The following TEX2 variants were observed in gnomAD, a reference collection of about 807,000 sequenced individuals.
TEX2 encodes the protein testis-expressed protein 2.
Under a neutral mutation model 106.9 loss-of-function variants are expected in TEX2, and 53 were observed. The observed-to-expected ratio is 0.50, with a 90% CI of 0.40 to 0.62. The LOEUF (loss-of-function observed/expected upper bound fraction) is 0.62. Among genes scored for constraint, TEX2 ranks in the 20% least tolerant of loss-of-function variants. TEX2 has a pLI of 0.00. For missense variants in TEX2, 1,207 were observed against 1,379.0 expected (o/e 0.88, Z 1.98); for synonymous variants, 523 against 534.8 (o/e 0.98, Z 0.30).
intron 2 of TEX2, among the ~76,000 whole-genome samples, chr17:64,202,683 T>C (rs1277568007): frequency 2.0e-5 from 3 of 152,234 alleles, no homozygotes; most frequent in Non-Finnish European, 2.9e-5. Flanking sequence ...AGGTAAAGTA[T>C]TCATCCAACC....
intron 1 of TEX2, among the ~76,000 whole-genome samples, chr17:64,252,508 G>A (rs1555637120): frequency 6.6e-6 from 1 of 151,932 alleles, no homozygotes; most frequent in African/African-American, 2.4e-5. Context: ...AAGATGGGGA[G>A]GTCTCCCTAT....
At chr17:64,154,739 G>C (rs1469271029) in intron 9 of TEX2, 103 bp downstream of exon 9, 7 of 1,338,410 alleles carry the variant, frequency 5.2e-6, no homozygotes, top group Non-Finnish European at 6.9e-6. Context: ...CAACATTAAA[G>C]AGGAAGGAAG....
intron 2 of TEX2, among the ~76,000 whole-genome samples, chr17:64,199,491 C>G (rs1347236828): frequency 6.6e-6 from 1 of 152,126 alleles, no homozygotes; most frequent in South Asian, 2.1e-4. Context: ...CCCACCTTGG[C>G]CTCCCAAAGT....
rs373576501 is a variant in TEX2 at position 64,213,186 on chromosome 17, G to A, written c.1032C>T (p.Tyr344=). 7 of 1,614,166 alleles carry A rather than the reference G, an allele frequency of 4.3e-6. No individual in the cohort carries two copies. The highest frequency in any genetic ancestry group is 1.7e-5 in the Admixed American group (1 of 60,024). Residue 344 remains tyrosine (Y), a synonymous_variant, in exon 2 of 12, where the codon TAC becomes TAT. Transcript: ENST00000584379. This position sits in a 1 kb window ranked among gnomAD's most constrained non-coding sequence, Gnocchi z 4.4. ...AATCACACTCCTCCTCCTTGATGCT[G>A]TAGTTGTTATTGCTTTCCAAGTGCC... The part of the protein sequence containing the change: ...LNGHLESNNN[Y]SIKEEECDSE...
chr17:64,234,180 A>G (rs1236931365), intron 1 of TEX2, among the ~76,000 whole-genome samples: 1 of 152,266 alleles, frequency 6.6e-6, no homozygotes, highest in Non-Finnish European at 1.5e-5. Flanking sequence ...GGAGCATTTC[A>G]TAACCAGAAA....
At chr17:64,262,739 C>A (rs1555638753) in intron 1 of TEX2, among the ~76,000 whole-genome samples, 2 of 152,228 alleles carry the variant, frequency 1.3e-5, no homozygotes, top group Non-Finnish European at 2.9e-5. Flanking sequence ...CTGACAGATT[C>A]GAGTAAAAGT....
At chr17:64,245,483 A>G (rs940293276) in intron 1 of TEX2, among the ~76,000 whole-genome samples, 2 of 152,214 alleles carry the variant, frequency 1.3e-5, no homozygotes, top group Admixed American at 6.5e-5. Context: ...ACCATTTGTC[A>G]TCGTGTATGT....
In TEX2 at chr17:64,213,656, A is replaced by G; in HGVS notation, c.562T>C (p.Phe188Leu). 1 of 1,614,130 alleles carries G rather than the reference A, an allele frequency of 6.2e-7. No homozygotes were observed. The highest frequency in any genetic ancestry group is 2.2e-5 in the East Asian group (1 of 44,868). Residue 188 changes from phenylalanine (F) to leucine (L), a missense_variant, in exon 2 of 12, where the codon TTC (phenylalanine) becomes CTC (leucine). Coordinates refer to ENST00000584379, the MANE Select transcript of TEX2 (RefSeq NM_001288732.2). The surrounding 1 kb of genome is among the most constrained non-coding windows in gnomAD (Gnocchi z 4.4). The stretch of plus-strand genomic sequence containing the variant: ...GACAGGGACTTCACAAGGCTCATGA[A>G]GGGTTTTGCACTGGAAAGGGTGGAG... The part of the protein sequence containing the change: ...STSTLSSAKP[F>L]MSLVKSLSTE...
chr17:64,211,452 G>A (rs1555631545), intron 2 of TEX2, among the ~76,000 whole-genome samples: 1 of 151,856 alleles, frequency 6.6e-6, no homozygotes. Context: ...TATACAATCA[G>A]CCCTCTATAT....
At chr17:64,255,028 CTTT>C (rs566755382) in intron 1 of TEX2, among the ~76,000 whole-genome samples, 1 of 132,488 alleles carries the variant, frequency 7.5e-6, no homozygotes, top group Admixed American at 7.8e-5. Flanking sequence ...CTGCATCTGG[CTTT>C]TTTTTTTTTT....
At chr17:64,201,855 G>C (rs941987675) in intron 2 of TEX2, among the ~76,000 whole-genome samples, 1 of 152,188 alleles carries the variant, frequency 6.6e-6, no homozygotes, top group African/African-American at 2.4e-5. Flanking sequence ...TGTAACAAAT[G>C]TTTGTTGACT....
At chr17:64,162,915 C>G (rs1039876510) in intron 7 of TEX2, among the ~76,000 whole-genome samples, 6 of 152,182 alleles carry the variant, frequency 3.9e-5, no homozygotes, top group Admixed American at 1.3e-4. Flanking sequence ...TTACTTCTTG[C>G]TCTGTCTCCC....
intron 1 of TEX2, among the ~76,000 whole-genome samples, chr17:64,234,855 A>T (rs1489556937): frequency 2.0e-5 from 3 of 152,228 alleles, no homozygotes; most frequent in Non-Finnish European, 4.4e-5. Context: ...AAATACAAAG[A>T]TACAATGGTT....
intron 1 of TEX2, among the ~76,000 whole-genome samples, chr17:64,224,780 G>C (rs979058412): frequency 6.6e-6 from 1 of 152,070 alleles, no homozygotes; most frequent in Non-Finnish European, 1.5e-5. Flanking sequence ...CAGAGGAAAG[G>C]GGGGTTCGAA....
intron 7 of TEX2, among the ~76,000 whole-genome samples, chr17:64,161,740 AT>A (rs1301783363): frequency 3.9e-5 from 6 of 151,950 alleles, no homozygotes; most frequent in African/African-American, 4.8e-5. Context: ...TGAGGATTCT[AT>A]GATTTGTCAA....
intron 1 of TEX2, among the ~76,000 whole-genome samples, chr17:64,258,579 C>A (rs189563465): frequency 1.3e-5 from 2 of 152,124 alleles, no homozygotes; most frequent in African/African-American, 2.4e-5. Flanking sequence ...TTATCACCTG[C>A]GTATTGTTTT....
intron 7 of TEX2, among the ~76,000 whole-genome samples, chr17:64,161,719 C>T (rs1440671155): frequency 6.6e-6 from 1 of 151,864 alleles, no homozygotes; most frequent in Non-Finnish European, 1.5e-5. Flanking sequence ...ATCTCATGAC[C>T]CTCTTCTACT....
At chr17:64,255,637 ATACTT>A (rs781822130) in intron 1 of TEX2, 4 of 152,238 alleles carry the variant, frequency 2.6e-5, no homozygotes, top group Non-Finnish European at 5.9e-5. Context: ...GGCCTCACAC[ATACTT>A]TACAAGATAA....
At chr17:64,262,266 A>C (rs934077446) in intron 1 of TEX2, among the ~76,000 whole-genome samples, 3 of 152,232 alleles carry the variant, frequency 2.0e-5, no homozygotes, top group African/African-American at 7.2e-5. Context: ...CACAGTGACA[A>C]AGTACTTCAT....
Sources: gnomAD v4.1 joint callset for allele counts (sites outside exome capture counted in the v4.1 genomes callset) on GRCh38, gnomAD v4.1.1 for gene constraint, Gnocchi (gnomAD v3.1) non-coding constraint, MANE v1.5 for transcripts, NCBI Gene and HGNC (gene_info 2026-07-23, HGNC 2026-07-21) for gene names.